The following FANCD2 variants were observed in gnomAD, a reference collection of about 807,000 sequenced individuals.
FANCD2 encodes FA complementation group D2, also known as Fanconi anemia group D2 protein.
In FANCD2, 131 loss-of-function variants were observed where a neutral mutation model predicts 192.3. The ratio of observed to expected loss-of-function variants is 0.68; its 90% CI spans 0.59 to 0.79. The LOEUF (loss-of-function observed/expected upper bound fraction) is 0.79. Ranked by LOEUF, FANCD2 falls within the 30% of genes least tolerant of loss-of-function variation. The probability of loss-of-function intolerance (pLI) is 0.00; values close to 1 mark genes in which losing one functional copy is unlikely to be tolerated. For missense variants in FANCD2, 1,508 were observed against 1,701.6 expected (o/e 0.89, Z 2.00); for synonymous variants, 524 against 612.5 (o/e 0.86, Z 2.13).
chr3:10,096,301 A>G (rs1694955705), intron 41 of FANCD2, 25 bp from the exon 42 acceptor site: 2 of 1,613,010 alleles, frequency 1.2e-6, no homozygotes, highest in Non-Finnish European at 1.7e-6. Flanking sequence ...CTCACAAAAG[A>G]TGGATGTTAT....
At position 10,065,997 on chromosome 3, in the gene FANCD2, G is replaced by T. The variant is rs374084131; in HGVS notation, c.2385+18G>T. On this transcript the variant is annotated intron_variant, in intron 25 of 43. Coordinates refer to ENST00000675286, the MANE Select transcript of FANCD2 (RefSeq NM_001018115.3). ...TCCGAGAGGTGAGCAGAGTTAATAG[G>T]ATGTTTCACTTATTGTGCATAGTTT... 6.3e-6 allele frequency: 9 copies of T among 1,436,408 alleles called. No individual in the cohort carries two copies. In the African/African-American group the frequency reaches 1.1e-4, roughly 18 times the overall value. The allele number at this position is 1,436,408 out of a possible 1,614,324, so 89.0% of individuals were successfully genotyped here. A position where few individuals can be genotyped will look rare whatever the true frequency, so the allele number is the denominator to read the frequency against.
chr3:10,031,636 G>T (rs368361816), intron 2 of FANCD2, among the ~76,000 whole-genome samples: 12 of 152,184 alleles, frequency 7.9e-5, no homozygotes, highest in African/African-American at 2.6e-4. Flanking sequence ...TCTTTTTATG[G>T]GTTGAAAGTC....
chr3:10,029,777 C>CTTGTTGTTG (rs373948218), intron 2 of FANCD2, among the ~76,000 whole-genome samples: 1 of 151,774 alleles, frequency 6.6e-6, no homozygotes, highest in Non-Finnish European at 1.5e-5. Context: ...TTATATCATT[C>CTTGTTGTTG]TTGTTGTTGT....
At chr3:10,092,298 A>C in intron 38 of FANCD2, 46 bp downstream of exon 38, 1 of 1,423,152 alleles carries the variant, frequency 7.0e-7, no homozygotes, top group Non-Finnish European at 9.9e-7. Context: ...TAACTGCAGA[A>C]ACCAAGTGTC....
Position 10,062,174 on chromosome 3 carries a change from A to C in FANCD2, c.1790A>C (p.Gln597Pro). The C allele has an allele frequency of 6.2e-7, 1 of 1,613,280 alleles. No individual in the cohort carries two copies. Among genetic ancestry groups the C allele is most frequent in the Non-Finnish European group, 8.5e-7 (1 of 1,179,622 alleles). Residue 597 changes from glutamine (Q) to proline (P), a missense_variant, in exon 20 of 44, where the codon CAA (glutamine) becomes CCA (proline). Transcript: ENST00000675286. ...AGAAGTGAATCACCTAGTTTGACCC[A>C]AGAGAGAGCCAACCTGAGCGATGAG... ...ADRSESPSLT[Q>P]ERANLSDEQC...
chr3:10,031,851 C>CT (rs1040158430), intron 2 of FANCD2, among the ~76,000 whole-genome samples: 1 of 151,722 alleles, frequency 6.6e-6, no homozygotes, highest in African/African-American at 2.4e-5. Flanking sequence ...TGGAATATGC[C>CT]TTTTTTTTCC....
At chr3:10,047,279 T>TGG (rs1406460917) in intron 15 of FANCD2, among the ~76,000 whole-genome samples, 8 of 152,298 alleles carry the variant, frequency 5.3e-5, no homozygotes, top group Non-Finnish European at 1.2e-4. Context: ...TTTCTGCCAA[T>TGG]TATACATGTT....
chr3:10,075,289 T>C (rs527586831), intron 29 of FANCD2, among the ~76,000 whole-genome samples: 1 of 152,102 alleles, frequency 6.6e-6, no homozygotes, highest in South Asian at 2.1e-4. Flanking sequence ...GTTCACGCCA[T>C]TCTGCTGCCT....
Position 10,028,443 on chromosome 3 carries a change from A to G in FANCD2, c.-33-182A>G, listed in dbSNP as rs55975672. 5.3e-5 allele frequency among the ~76,000 whole-genome samples: 8 copies of G among 152,364 alleles called. No homozygotes were observed. In the East Asian group the frequency reaches 1.3e-3, roughly 26 times the overall value. ...CCTAAAGAGGTAACTAAGACTTGAA[A>G]GGAAGGTAGTATTGGCTAGATGTAA... On this transcript the variant is annotated intron_variant, in intron 1 of 43. Coordinates refer to ENST00000675286, the MANE Select transcript of FANCD2 (RefSeq NM_001018115.3).
At position 10,101,375 on chromosome 3, in the gene FANCD2, C is replaced by A; in HGVS notation, c.*113C>A. The A allele has an allele frequency of 5.2e-6, 3 of 581,572 alleles. No individual in the cohort carries two copies. The highest frequency in any genetic ancestry group is 8.8e-6 in the Non-Finnish European group (3 of 339,046). The allele number at this position is 581,572 out of a possible 1,614,324, so 36.0% of individuals were successfully genotyped here. A position where few individuals can be genotyped will look rare whatever the true frequency, so the allele number is the denominator to read the frequency against. On this transcript the variant is annotated 3_prime_UTR_variant, in exon 44 of 44. Transcript: ENST00000675286. ...TTACTGGTAGGATCCTTTTTTGTTC[C>A]TCTTTTTTTTTTTTTTTTTTTTTTT...
chr3:10,039,390 A>G lies in FANCD2; in HGVS notation c.570+33A>G. Reference sequence around the variant, plus strand: ...TATGGACTTTATCTCTTGAATTTAAAGAGTATGTTTCTCATATCTTTTGGA... The same window carrying G: ...TATGGACTTTATCTCTTGAATTTAAGGAGTATGTTTCTCATATCTTTTGGA... On this transcript the variant is annotated intron_variant, in intron 8 of 43. Coordinates refer to ENST00000675286, the MANE Select transcript of FANCD2 (RefSeq NM_001018115.3). 5 of 1,534,792 alleles carry G rather than the reference A, an allele frequency of 3.3e-6. No individual in the cohort carries two copies. The South Asian group carries it at 4.5e-5, about 14-fold the overall frequency.
chr3:10,036,515 T>C (rs1023012618), intron 7 of FANCD2, among the ~76,000 whole-genome samples, 176 bp downstream of exon 7: 10 of 152,084 alleles, frequency 6.6e-5, no homozygotes, highest in Non-Finnish European at 7.4e-5. Context: ...AATATGACTT[T>C]GTAAAAATAG....
chr3:10,069,397 C>T (rs2125041817), intron 26 of FANCD2, among the ~76,000 whole-genome samples: 1 of 152,110 alleles, frequency 6.6e-6, no homozygotes, highest in Non-Finnish European at 1.5e-5. Flanking sequence ...CTCAACATCA[C>T]TGAGCCTCAG....
intron 14 of FANCD2, 187 bp from the exon 15 acceptor site, chr3:10,046,393 G>A: frequency 1.1e-6 from 1 of 921,046 alleles, no homozygotes; most frequent in Non-Finnish European, 1.6e-6. Flanking sequence ...TAACAGTTGT[G>A]GCACTTTATT....
chr3:10,069,323 G>A (rs2087805852), intron 26 of FANCD2, among the ~76,000 whole-genome samples: 1 of 152,118 alleles, frequency 6.6e-6, no homozygotes, highest in Admixed American at 6.5e-5. Context: ...TGAAAAATGG[G>A]TAAAAGGTCT....
chr3:10,049,086 A>G (rs1193075875), intron 16 of FANCD2, among the ~76,000 whole-genome samples: 1 of 152,142 alleles, frequency 6.6e-6, no homozygotes, highest in Non-Finnish European at 1.5e-5. Context: ...TTTAACCCAT[A>G]TGGGAAAAAG....
intron 39 of FANCD2, 26 bp from the exon 40 acceptor site, chr3:10,094,263 G>A (rs1217501176): frequency 3.1e-6 from 5 of 1,598,162 alleles, no homozygotes; most frequent in South Asian, 1.1e-5. Flanking sequence ...CTCAGCTAGA[G>A]GTAACAGTGT....
intron 37 of FANCD2, 104 bp downstream of exon 37, chr3:10,090,489 T>C (rs1363716237): frequency 2.7e-6 from 2 of 751,402 alleles, no homozygotes; most frequent in East Asian, 3.0e-5. Context: ...AGAGTCTTGC[T>C]TGTTCTGTTG....
Position 10,066,032 on chromosome 3 carries a change from C to T in FANCD2, c.2385+53C>T, listed in dbSNP as rs550336059. 5.0e-6 allele frequency: 6 copies of T among 1,200,110 alleles called. No homozygotes were observed. The African/African-American group carries it at 8.9e-5, about 18-fold the overall frequency. 74.3% of individuals were successfully genotyped at this position (1,200,110 alleles called of 1,614,324 possible). A position where few individuals can be genotyped will look rare whatever the true frequency, so the allele number is the denominator to read the frequency against. ...TTATTGTGCATAGTTTTTCTCAAAA[C>T]TATTTTCTTAGTTCCCACAAGACTC... On this transcript the variant is annotated intron_variant, in intron 25 of 43. Transcript: ENST00000675286.
Sources: gnomAD v4.1 joint callset for allele counts (sites outside exome capture counted in the v4.1 genomes callset) on GRCh38, gnomAD v4.1.1 for gene constraint, MANE v1.5 for transcripts, NCBI Gene and HGNC (gene_info 2026-07-23, HGNC 2026-07-21) for gene names.